Variants in RP1 observed in about 807,000 individuals in gnomAD.
RP1 encodes oxygen-regulated protein 1.
Under a neutral mutation model 14.8 loss-of-function variants are expected in RP1, and 16 were observed. The ratio of observed to expected loss-of-function variants is 1.08; its 90% CI spans 0.73 to 1.65. The LOEUF is 1.65. Among genes scored for constraint, RP1 ranks in the 40% most tolerant of loss-of-function variants. The pLI is 0.00. For missense variants in RP1, 2,631 were observed against 2,535.0 expected, an observed-to-expected ratio of 1.04 and a Z score of -0.81; for synonymous variants, 876 against 883.6, an observed-to-expected ratio of 0.99 and a Z score of 0.15.
At chr8:54,781,982 T>C (rs565121753) in intron 23 of RP1, among the ~76,000 whole-genome samples, 1 of 152,142 alleles carries the variant, frequency 6.6e-6, no homozygotes, top group South Asian at 2.1e-4. Context: ...CCTCCCCCCA[T>C]GATAGCATGA....
At chr8:54,593,061 G>A (rs1247312693) in intron 1 of RP1, among the ~76,000 whole-genome samples, 2 of 152,142 alleles carry the variant, frequency 1.3e-5, no homozygotes, top group Non-Finnish European at 2.9e-5. Context: ...GCCAAATTAG[G>A]TGATACCCAG....
At chr8:54,760,002 C>T (rs906122218) in intron 22 of RP1, among the ~76,000 whole-genome samples, 4 of 152,080 alleles carry the variant, frequency 2.6e-5, no homozygotes, top group Non-Finnish European at 4.4e-5. Flanking sequence ...TTCAAGGGTT[C>T]GGATTTAGCC....
chr8:54,687,928 A>G (rs1402780294), intron 12 of RP1, among the ~76,000 whole-genome samples: 1 of 152,144 alleles, frequency 6.6e-6, no homozygotes, highest in Non-Finnish European at 1.5e-5. Context: ...ACTCCCACCA[A>G]CAGTGTAAAA....
intron 7 of RP1, among the ~76,000 whole-genome samples, chr8:54,671,465 A>G (rs935934249): frequency 2.0e-5 from 3 of 151,916 alleles, no homozygotes; most frequent in Non-Finnish European, 4.4e-5. Flanking sequence ...CCCGTAATGC[A>G]TATGTTGGCC....
At position 54,630,816 on chromosome 8, in the gene RP1, G is replaced by A. The variant is rs944007579; in HGVS notation, c.*463G>A. The A allele has an allele frequency of 5.6e-5, 56 of 997,464 alleles. No homozygotes were observed. Among genetic ancestry groups the A allele is most frequent in the Non-Finnish European group, 6.6e-5 (55 of 837,650 alleles). 61.8% of individuals were successfully genotyped at this position (997,464 alleles called of 1,614,324 possible). A position where few individuals can be genotyped will look rare whatever the true frequency, so the allele number is the denominator to read the frequency against. On this transcript the variant is annotated 3_prime_UTR_variant, in exon 4 of 4. Coordinates refer to ENST00000220676, the MANE Select transcript of RP1 (RefSeq NM_006269.2). ...AAAAGTATGATTATAAGATATCCAC[G>A]ACAATCTCATAGTTTCTTGTGCCAA... is the stretch of plus-strand genomic sequence containing the variant.
chr8:54,792,848 G>GA (rs750873644), intron 24 of RP1, among the ~76,000 whole-genome samples: 32 of 150,672 alleles, frequency 2.1e-4, no homozygotes, highest in African/African-American at 4.1e-4. Flanking sequence ...ATTAGAATGG[G>GA]AAAAAAAATG....
chr8:54,650,103 G>A lies in RP1; in HGVS notation c.951+955G>A, dbSNP rs566776721. On this transcript the variant is annotated intron_variant, in intron 4 of 22. Coordinates refer to the RP1 transcript ENST00000636932. The stretch of plus-strand genomic sequence containing the variant: ...AATTATATATTCACATAGTTTATAG[G>A]GCTAAATAATTTTCAATTCTGTAAT... 7.9e-5 allele frequency among the ~76,000 whole-genome samples: 12 copies of A among 152,026 alleles called. No individual in the cohort carries two copies. The East Asian group carries it at 2.1e-3, about 27-fold the overall frequency.
intron 27 of RP1, among the ~76,000 whole-genome samples, chr8:54,864,504 C>A (rs1354273014): frequency 2.0e-5 from 3 of 152,096 alleles, no homozygotes; most frequent in African/African-American, 7.2e-5. Flanking sequence ...ATTTTAAATT[C>A]ACAGTAAAGA....
chr8:54,705,946 T>G (rs6986248), intron 14 of RP1, among the ~76,000 whole-genome samples: 4,405 of 152,206 alleles, frequency 0.029, 125 homozygotes, highest in African/African-American at 0.065. Context: ...TATTTCTAAT[T>G]AACTCTCAAG....
Position 54,781,221 on chromosome 8 carries a change from A to G in RP1, c.3452-2326A>G, listed in dbSNP as rs2129379800. On this transcript the variant is annotated intron_variant, in intron 23 of 28. Coordinates refer to the RP1 transcript ENST00000637698. The stretch of plus-strand genomic sequence containing the variant: ...GATTGTCAGTAATGGCTTATTGCAT[A>G]GTCAACGAACTTTTTTTAAACCTTT... Among the ~76,000 whole-genome samples the G allele has an allele frequency of 1.3e-5, 2 of 152,316 alleles. 1 individual carries two copies. Among genetic ancestry groups the G allele is most frequent in the Middle Eastern group, 6.8e-3 (2 of 294 alleles).
rs566207952 is a variant in RP1 at position 54,636,858 on chromosome 8, T to C, written c.788-12127T>C. On this transcript the variant is annotated intron_variant, in intron 3 of 22. Coordinates refer to the RP1 transcript ENST00000636932. ...ATTTAAATGACATTGGAGTTTGTTT[T>C]AGACATATATTTCAATATAGGTCTG... 2.0e-5 allele frequency among the ~76,000 whole-genome samples: 3 copies of C among 152,368 alleles called. No individual in the cohort carries two copies. In the South Asian group the frequency reaches 6.2e-4, roughly 32 times the overall value.
At chr8:54,786,819 T>C (rs1310538456) in intron 24 of RP1, among the ~76,000 whole-genome samples, 1 of 152,160 alleles carries the variant, frequency 6.6e-6, no homozygotes, top group Admixed American at 6.5e-5. Flanking sequence ...TTCTATAACT[T>C]GCTGAAGATA....
At chr8:54,681,415 C>T (rs868281970) in intron 12 of RP1, among the ~76,000 whole-genome samples, 1 of 151,210 alleles carries the variant, frequency 6.6e-6, no homozygotes, top group Non-Finnish European at 1.5e-5. Flanking sequence ...TAGTCAGGTA[C>T]ATTAAAAGAG....
chr8:54,619,861 T>C (rs1480640206), intron 1 of RP1, among the ~76,000 whole-genome samples: 3 of 152,386 alleles, frequency 2.0e-5, no homozygotes, highest in South Asian at 2.1e-4. Flanking sequence ...TAAGGTTCTA[T>C]GTGATACATT....
intron 18 of RP1, among the ~76,000 whole-genome samples, chr8:54,737,088 A>G (rs905145528): frequency 1.3e-5 from 2 of 152,100 alleles, no homozygotes; most frequent in Non-Finnish European, 2.9e-5. Flanking sequence ...ATTTTTGAGG[A>G]CAATGTGGGA....
intron 9 of RP1, chr8:54,679,410 C>A: frequency 6.5e-7 from 1 of 1,533,514 alleles, no homozygotes; most frequent in Non-Finnish European, 8.7e-7. Flanking sequence ...ATACACTTTT[C>A]TTTTCACAGA....
chr8:54,705,904 A>G (rs1309813420), intron 14 of RP1, among the ~76,000 whole-genome samples: 1 of 140,712 alleles, frequency 7.1e-6, no homozygotes, highest in Non-Finnish European at 1.6e-5. Context: ...TGATTTGTGT[A>G]TTTATCTATT....
chr8:54,746,396 T>C lies in RP1; in HGVS notation c.2808+7367T>C, dbSNP rs1809225148. 2.6e-5 allele frequency among the ~76,000 whole-genome samples: 4 copies of C among 152,180 alleles called. No homozygotes were observed. In the South Asian group the frequency reaches 8.3e-4, roughly 32 times the overall value. On this transcript the variant is annotated intron_variant, in intron 19 of 22. Coordinates refer to the RP1 transcript ENST00000636932. ...TTCCTTGATCATACTTTAGAGGCCT[T>C]TGTGAAGGTCTGACTTGCTATTTCA...
At chr8:54,852,733 T>C in intron 26 of RP1, 1 of 1,231,914 alleles carries the variant, frequency 8.1e-7, no homozygotes, top group African/African-American at 1.5e-5. Context: ...GGACAGGTAA[T>C]AGAAACAGGT....
Sources: gnomAD v4.1 joint callset for allele counts (sites outside exome capture counted in the v4.1 genomes callset) on GRCh38, gnomAD v4.1.1 for gene constraint, MANE v1.5 for transcripts, NCBI Gene and HGNC (gene_info 2026-07-23, HGNC 2026-07-21) for gene names.